The following ACVR1 variants were observed in gnomAD, a reference collection of about 807,000 sequenced individuals.
ACVR1 encodes activin receptor type-1.
In ACVR1, 38 loss-of-function variants were observed where a neutral mutation model predicts 57.1. The ratio of observed to expected loss-of-function variants is 0.67; its 90% CI spans 0.51 to 0.87. The LOEUF (loss-of-function observed/expected upper bound fraction) is 0.87. ACVR1 is among the 40% of genes least tolerant of loss of function. The pLI is 0.00. For synonymous variants in ACVR1, 212 were observed against 228.1 expected, an observed-to-expected ratio of 0.93 and a Z score of 0.63; for missense variants, 463 against 638.2, an observed-to-expected ratio of 0.73 and a Z score of 2.96.
In ACVR1 at chr2:157,827,852, ACC is replaced by A. The variant is rs762724222; in HGVS notation, c.-182-9295_-182-9294del. On this transcript the variant is annotated intron_variant, in intron 1 of 10. Transcript: ENST00000434821. The stretch of plus-strand genomic sequence containing the variant: ...GCTGTGTGACACTCAGAAGTCACTA[ACC>A]CTTCTCACTCACCCTTCTCTGTTAT... 2.6e-5 allele frequency among the ~76,000 whole-genome samples: 4 copies of A among 152,094 alleles called. No individual in the cohort carries two copies. In the East Asian group the frequency reaches 5.8e-4, roughly 22 times the overall value.
chr2:157,806,378 T>C (rs1687547467), intron 2 of ACVR1, among the ~76,000 whole-genome samples: 1 of 152,122 alleles, frequency 6.6e-6, no homozygotes, highest in African/African-American at 2.4e-5. Flanking sequence ...CATCAGTGGT[T>C]TCTAGCCCCC....
chr2:157,825,739 G>A (rs889452384), intron 1 of ACVR1, among the ~76,000 whole-genome samples: 4 of 152,112 alleles, frequency 2.6e-5, no homozygotes, highest in Admixed American at 6.5e-5. Flanking sequence ...GCTGTCCTGG[G>A]CTAACCCCAA....
At chr2:157,746,845 A>G (rs746397498) in intron 9 of ACVR1, among the ~76,000 whole-genome samples, 9 of 152,272 alleles carry the variant, frequency 5.9e-5, no homozygotes, top group African/African-American at 9.6e-5. Context: ...ATGTCAAATT[A>G]AACACCAAAA....
At chr2:157,856,699 C>T (rs1433507901) in intron 1 of ACVR1, among the ~76,000 whole-genome samples, 2 of 151,954 alleles carry the variant, frequency 1.3e-5, no homozygotes, top group African/African-American at 4.8e-5. Context: ...AGGTTTGGGC[C>T]GCTTCCACTA....
intron 3 of ACVR1, among the ~76,000 whole-genome samples, chr2:157,791,924 G>A (rs1028671760): frequency 1.3e-5 from 2 of 152,176 alleles, no homozygotes; most frequent in African/African-American, 4.8e-5. Context: ...TATCAGAGAA[G>A]TCAAATTCTA....
chr2:157,754,459 T>C (rs1685338654), intron 9 of ACVR1, among the ~76,000 whole-genome samples: 1 of 152,100 alleles, frequency 6.6e-6, no homozygotes, highest in Admixed American at 6.5e-5. Flanking sequence ...CAAAAGATCA[T>C]TCAAGGCTAC....
chr2:157,850,744 G>T (rs552009782), intron 1 of ACVR1, among the ~76,000 whole-genome samples: 2 of 152,220 alleles, frequency 1.3e-5, no homozygotes, highest in Non-Finnish European at 2.9e-5. Context: ...ATCACTTGAG[G>T]TCAAGGGTTT....
chr2:157,865,717 G>A (rs917244884), intron 1 of ACVR1, among the ~76,000 whole-genome samples: 10 of 151,406 alleles, frequency 6.6e-5, no homozygotes, highest in Non-Finnish European at 1.5e-5. Flanking sequence ...ACTTGAACCC[G>A]GGAGGCAGAG....
intron 1 of ACVR1, among the ~76,000 whole-genome samples, chr2:157,865,821 AAGATAGATAGATAGAT>A (rs57214423): frequency 3.6e-4 from 49 of 137,028 alleles, no homozygotes; most frequent in East Asian, 3.2e-3. Context: ...AAAAAGAAAA[AAGATAGATAGATAGAT>A]AGATAGATAG....
chr2:157,799,946 T>C (rs892758536), intron 2 of ACVR1, among the ~76,000 whole-genome samples: 5 of 152,196 alleles, frequency 3.3e-5, no homozygotes, highest in African/African-American at 9.7e-5. Flanking sequence ...CAAATTACTA[T>C]GTTAGAGTCT....
intron 9 of ACVR1, among the ~76,000 whole-genome samples, chr2:157,740,522 A>G (rs1391583608): frequency 6.6e-6 from 1 of 152,192 alleles, no homozygotes; most frequent in Non-Finnish European, 1.5e-5. Context: ...CGTGCCCTTC[A>G]CCATCTCTCA....
At chr2:157,801,762 T>C (rs773561216) in intron 2 of ACVR1, among the ~76,000 whole-genome samples, 1 of 152,210 alleles carries the variant, frequency 6.6e-6, no homozygotes, top group Non-Finnish European at 1.5e-5. Flanking sequence ...GTATGGCCAA[T>C]TTACACATTG....
chr2:157,840,978 G>A (rs1172681431), intron 1 of ACVR1, among the ~76,000 whole-genome samples: 1 of 152,260 alleles, frequency 6.6e-6, no homozygotes. Flanking sequence ...CCTCCTGGCT[G>A]TGATCCCGAC....
In ACVR1 at chr2:157,780,413, C is replaced by T. The variant is rs377634957; in HGVS notation, c.255G>A (p.Pro85=). Residue 85 remains proline, a synonymous_variant, in exon 4 of 11, where the codon CCG becomes CCA. Transcript: ENST00000434821. Reference sequence around the variant, plus strand: ...AGCACTCCACGGCTTGGCCAGGGGACGGCGGGGTCTTACAGGTCATCTTTC... The same window carrying T: ...AGCACTCCACGGCTTGGCCAGGGGATGGCGGGGTCTTACAGGTCATCTTTC... ...EQGKMTCKTP[P]SPGQAVECCQ... 1.5e-5 allele frequency: 24 copies of T among 1,614,004 alleles called. No individual in the cohort carries two copies. The highest frequency in any genetic ancestry group is 3.3e-4 in the Middle Eastern group (2 of 6,084).
At chr2:157,846,515 C>T (rs1182421147) in intron 1 of ACVR1, among the ~76,000 whole-genome samples, 1 of 152,194 alleles carries the variant, frequency 6.6e-6, no homozygotes, top group African/African-American at 2.4e-5. Context: ...CCTGTTTTAA[C>T]ACTTCCTAAC....
At chr2:157,793,093 A>G (rs1686980655) in intron 3 of ACVR1, among the ~76,000 whole-genome samples, 1 of 152,218 alleles carries the variant, frequency 6.6e-6, no homozygotes, top group African/African-American at 2.4e-5. Flanking sequence ...CATATATGAC[A>G]TGCCTACAAA....
chr2:157,765,485 G>GT (rs1685829271), intron 8 of ACVR1, among the ~76,000 whole-genome samples: 2 of 152,032 alleles, frequency 1.3e-5, no homozygotes, highest in African/African-American at 2.4e-5. Flanking sequence ...GGGAAACTCT[G>GT]TATCTCGACA....
intron 9 of ACVR1, 47 bp downstream of exon 9, chr2:157,760,833 C>T (rs1232235198): frequency 1.3e-6 from 2 of 1,579,974 alleles, no homozygotes; most frequent in Admixed American, 3.3e-5. Context: ...GTAGCTGGAT[C>T]AAGAGAACTT....
intron 1 of ACVR1, among the ~76,000 whole-genome samples, chr2:157,871,632 A>C (rs2105390197): frequency 6.6e-6 from 1 of 152,338 alleles, no homozygotes; most frequent in African/African-American, 2.4e-5. Flanking sequence ...AAACCCAAAA[A>C]TCAAACAACT....
Sources: allele counts gnomAD v4.1 joint callset (sites outside exome capture counted in the v4.1 genomes callset), GRCh38; gene constraint gnomAD v4.1.1; transcripts MANE v1.5; gene names NCBI Gene and HGNC (gene_info 2026-07-23, HGNC 2026-07-21).